The following SCN4A variants were observed in gnomAD, a reference collection of about 807,000 sequenced individuals.
The protein encoded by SCN4A is sodium voltage-gated channel alpha subunit 4, also known as sodium channel protein type 4 subunit alpha.
Under a neutral mutation model 162.0 loss-of-function variants are expected in SCN4A, and 83 were observed. The observed-to-expected ratio is 0.51, with a 90% confidence interval of 0.43 to 0.61. The LOEUF is 0.61. SCN4A is among the 20% of genes least tolerant of loss of function. SCN4A has a pLI of 0.00. For missense variants in SCN4A, 2,196 were observed against 2,462.5 expected (o/e 0.89, Z 2.29); for synonymous variants, 944 against 985.1 (o/e 0.96, Z 0.78).
rs1046961506 is a variant in SCN4A at position 63,971,971 on chromosome 17, C to T, written c.483-121G>A. On this transcript the variant is annotated intron_variant, in intron 3 of 23. Coordinates refer to ENST00000435607, the MANE Select transcript of SCN4A (RefSeq NM_000334.4). ...AATATGCCACTCAGGTGGCTAAGGA[C>T]ACTAGCGAGTGATAGCATGGCCACC... The T allele has an allele frequency of 3.3e-6, 4 of 1,211,014 alleles. No homozygotes were observed. The African/African-American group carries it at 4.5e-5, about 14-fold the overall frequency. 75.0% of individuals were successfully genotyped at this position (1,211,014 alleles called of 1,614,324 possible).
rs1285419994 is a variant in SCN4A at position 63,941,714 on chromosome 17, C to T, written c.4568G>A (p.Gly1523Asp). 1 of 1,614,038 alleles carries T rather than the reference C, an allele frequency of 6.2e-7. No individual in the cohort carries two copies. The highest frequency in any genetic ancestry group is 8.5e-7 in the Non-Finnish European group (1 of 1,180,024). Residue 1523 changes from glycine (G) to aspartate (D), a missense_variant, in exon 24 of 24, where the codon GGC (glycine) becomes GAC (aspartate). By Grantham distance (94) the Gly-to-Asp change is moderately conservative. Coordinates refer to ENST00000435607, the MANE Select transcript of SCN4A (RefSeq NM_000334.4). This position sits in a 1 kb window ranked among gnomAD's most constrained non-coding sequence, Gnocchi z 6.2. Reference protein sequence around the residue: ...IDDMFNFETFGNSIICLFEIT... With the variant: ...IDDMFNFETFDNSIICLFEIT... Reference sequence around the variant, plus strand: ...CTCGAACAGGCAGATGATGCTGTTGCCGAAGGTCTCGAAGTTGAACATATC... The same window carrying T: ...CTCGAACAGGCAGATGATGCTGTTGTCGAAGGTCTCGAAGTTGAACATATC...
Position 63,944,727 on chromosome 17 carries a change from G to A in SCN4A, c.3858C>T (p.Thr1286=), listed in dbSNP as rs538933926. The change falls in exon 21 of 24, where the codon ACC becomes ACT. Residue 1286 remains threonine, a synonymous_variant. Transcript: ENST00000435607. This position sits in a 1 kb window ranked among gnomAD's most constrained non-coding sequence, Gnocchi z 4.3. ...VIFIIFGSFF[T]LNLFIGVIID... ...TGATGACGCCAATGAAGAGGTTGAG[G>A]GTGAAGAAGGAGCCAAAGATGATGA... The A allele has an allele frequency of 2.4e-5, 39 of 1,613,256 alleles. No homozygotes were observed. Among genetic ancestry groups the A allele is most frequent in the South Asian group, 1.7e-4 (15 of 90,866 alleles).
chr17:63,968,035 T>C lies in SCN4A; in HGVS notation c.1024A>G (p.Ile342Val), dbSNP rs774964682. 7 of 1,613,726 alleles carry C rather than the reference T, an allele frequency of 4.3e-6. No homozygotes were observed. In the South Asian group the frequency reaches 7.7e-5, roughly 18 times the overall value. The change falls in exon 6 of 24, where the codon ATC becomes GTC. Residue 342 changes from isoleucine (I) to valine (V), a missense_variant. By Grantham distance (29) the Ile-to-Val change is conservative. Transcript: ENST00000435607. ...TNDTFDWDAY[I>V]SDEGNFYFLE... Reference sequence around the variant, plus strand: ...TCCCCATTCTTACCTTCATCACTGATGTAGGCGTCCCAATCAAAGGTATCG... The same window carrying C: ...TCCCCATTCTTACCTTCATCACTGACGTAGGCGTCCCAATCAAAGGTATCG...
In SCN4A at chr17:63,941,743, G is replaced by A. The variant is rs56342400; in HGVS notation, c.4539C>T (p.Ile1513=). Residue 1513 remains isoleucine, a synonymous_variant, in exon 24 of 24, where the codon ATC becomes ATT. Transcript: ENST00000435607. The surrounding 1 kb of genome is among the most constrained non-coding windows in gnomAD (Gnocchi z 6.2). The stretch of plus-strand genomic sequence containing the variant: ...AGGTCTCGAAGTTGAACATATCATC[G>A]ATGCCCGACTCCTTCTTGACGTAGG... ...NFAYVKKESG[I]DDMFNFETFG... 1 of 1,613,868 alleles carries A rather than the reference G, an allele frequency of 6.2e-7. No individual in the cohort carries two copies. The highest frequency in any genetic ancestry group is 8.5e-7 in the Non-Finnish European group (1 of 1,179,966).
chr17:63,971,093 G>T (rs909432169), intron 5 of SCN4A, 69 bp downstream of exon 5: 8 of 1,019,780 alleles, frequency 7.8e-6, no homozygotes, highest in Admixed American at 2.0e-5. Context: ...CACTGAGTCA[G>T]GTTCCAGGCC....
At position 63,945,261 on chromosome 17, in the gene SCN4A, C is replaced by G. The variant is rs1021198950; in HGVS notation, c.3720+99G>C. The stretch of plus-strand genomic sequence containing the variant: ...AGCATTGGAAGCAGGGTGGGCGGTC[C>G]CCTAACCAGGAGTGACACTGGGGTT... On this transcript the variant is annotated intron_variant, in intron 19 of 23. Coordinates refer to ENST00000435607, the MANE Select transcript of SCN4A (RefSeq NM_000334.4). The surrounding 1 kb of genome is among the most constrained non-coding windows in gnomAD (Gnocchi z 4.4). The G allele has an allele frequency of 6.9e-6, 8 of 1,162,920 alleles. No homozygotes were observed. The highest frequency in any genetic ancestry group is 1.0e-5 in the Non-Finnish European group (8 of 802,492). The allele number at this position is 1,162,920 out of a possible 1,614,324, so 72.0% of individuals were successfully genotyped here.
chr17:63,942,020 T>A, intron 23 of SCN4A, 27 bp from the exon 24 acceptor site: 1 of 1,529,246 alleles, frequency 6.5e-7, no homozygotes, highest in Non-Finnish European at 8.8e-7. Flanking sequence ...GTGAGGACGC[T>A]GCCACTGGGG....
chr17:63,968,281 A>C lies in SCN4A; in HGVS notation c.778T>G (p.Cys260Gly), dbSNP rs768487754. 6.2e-7 allele frequency: 1 copy of C among 1,613,640 alleles called. No homozygotes were observed. The highest frequency in any genetic ancestry group is 1.1e-5 in the South Asian group (1 of 91,078). The change falls in exon 6 of 24, where the codon TGC (cysteine) becomes GGC (glycine). Residue 260 changes from cysteine (C) to glycine (G), a missense_variant. Transcript: ENST00000435607. ...CCTACCAGCGCAAAGACGCTCAGGC[A>C]GAAGACAGTGAGGATCATCACATCC... ...LSDVMILTVFCLSVFALVGLQ... is the reference protein window; with the variant it reads ...LSDVMILTVFGLSVFALVGLQ...
chr17:63,953,221 G>T (rs756023167), intron 13 of SCN4A, among the ~76,000 whole-genome samples: 1 of 152,120 alleles, frequency 6.6e-6, no homozygotes, highest in African/African-American at 2.4e-5. Flanking sequence ...TTAGCTGGGC[G>T]TGGTGGCATG....
At position 63,939,030 on chromosome 17, in the gene SCN4A, A is replaced by T. The variant is rs1463015496; in HGVS notation, c.*1741T>A. 1 of 153,046 alleles carries T rather than the reference A, an allele frequency of 6.5e-6. No individual in the cohort carries two copies. Among genetic ancestry groups the T allele is most frequent in the Admixed American group, 6.5e-5 (1 of 15,278 alleles). The allele number at this position is 153,046 out of a possible 1,614,324, so 9.5% of individuals were successfully genotyped here. ...CAGGACTGGGAGCAGGTGAGAGAGC[A>T]TGGTGGACAATAAAGACAACTCTGG... On this transcript the variant is annotated 3_prime_UTR_variant, in exon 24 of 24. Transcript: ENST00000435607.
At position 63,959,367 on chromosome 17, in the gene SCN4A, C is replaced by A. The variant is rs375403086; in HGVS notation, c.1917G>T (p.Gln639His). 7.3e-5 allele frequency: 117 copies of A among 1,613,782 alleles called. No individual in the cohort carries two copies. Among genetic ancestry groups the A allele is most frequent in the Non-Finnish European group, 9.7e-5 (115 of 1,179,798 alleles). ...LIAMDPYEYF[Q>H]QGWNIFDSII... Reference sequence around the variant, plus strand: ...TGCTGTCGAAGATATTCCAACCCTGCTGGAAATACTCGTAGGGGTCCATGG... The same window carrying A: ...TGCTGTCGAAGATATTCCAACCCTGATGGAAATACTCGTAGGGGTCCATGG... The change falls in exon 12 of 24, where the codon CAG becomes CAT. Residue 639 changes from glutamine to histidine, a missense_variant. By Grantham distance (24) the Gln-to-His change is conservative. Coordinates refer to ENST00000435607, the MANE Select transcript of SCN4A (RefSeq NM_000334.4).
Position 63,951,712 on chromosome 17 carries a change from C to A in SCN4A, c.2565G>T (p.Met855Ile). ...CCCCGTCAGCCTCCCCGAGGCTGAG[C>A]ATGATGTCCTTGGGGCTCAGGATCT... ...HGKILSPKDI[M>I]LSLGEADGAG... Residue 855 changes from methionine (M) to isoleucine (I), a missense_variant, in exon 14 of 24, where the codon ATG becomes ATT. Met to Ile is a conservative substitution (Grantham distance 10, BLOSUM62 1). Transcript: ENST00000435607. This position sits in a 1 kb window ranked among gnomAD's most constrained non-coding sequence, Gnocchi z 4.5. 6.3e-7 allele frequency: 1 copy of A among 1,595,666 alleles called. No homozygotes were observed. Among genetic ancestry groups the A allele is most frequent in the East Asian group, 2.3e-5 (1 of 44,008 alleles).
At position 63,954,492 on chromosome 17, in the gene SCN4A, G is replaced by A. The variant is rs376512975; in HGVS notation, c.2377-2592C>T. On this transcript the variant is annotated intron_variant, in intron 13 of 23. Transcript: ENST00000435607. Reference sequence around the variant, plus strand: ...GACAGAAATAGCTGCCCCAGGCATGGGGGAAGGGAGGAGGGGAGGGGGCCG... The same window carrying A: ...GACAGAAATAGCTGCCCCAGGCATGAGGGAAGGGAGGAGGGGAGGGGGCCG... Among the ~76,000 whole-genome samples, 31 of 152,300 alleles carry A rather than the reference G, an allele frequency of 2.0e-4. No homozygotes were observed. In the South Asian group the frequency reaches 6.2e-3, roughly 31 times the overall value.
At chr17:63,957,108 C>T in intron 13 of SCN4A, 54 bp downstream of exon 13, 1 of 1,223,432 alleles carries the variant, frequency 8.2e-7, no homozygotes, top group Non-Finnish European at 1.2e-6. Context: ...ATATCAGGTA[C>T]ATCTTGTACG....
Position 63,945,038 on chromosome 17 carries a change from T to A in SCN4A, c.3743A>T (p.Asp1248Val), listed in dbSNP as rs1410714417. ...GGAGTCCACGGCTGCATACATGATG[T>A]CCATCCAACCCTTGAAGGTGGCCTG... ...LQVATFKGWM[D>V]IMYAAVDSRE... Residue 1248 changes from aspartate to valine, a missense_variant, in exon 20 of 24, where the codon GAC becomes GTC. Physicochemically the swap from Asp to Val is radical, Grantham distance 152. Transcript: ENST00000435607. This position sits in a 1 kb window ranked among gnomAD's most constrained non-coding sequence, Gnocchi z 4.4. The A allele has an allele frequency of 6.2e-7, 1 of 1,613,862 alleles. No individual in the cohort carries two copies. The highest frequency in any genetic ancestry group is 1.3e-5 in the African/African-American group (1 of 75,028).
At position 63,951,080 on chromosome 17, in the gene SCN4A, G is replaced by A. The variant is rs1376991716; in HGVS notation, c.2853+344C>T. ...GAGAATATGTAAGAGAGGCCTCTCAGGTCCTGGTCCTGGAGCTGCGGTGCC... is the reference window on the plus strand; with the variant it reads ...GAGAATATGTAAGAGAGGCCTCTCAAGTCCTGGTCCTGGAGCTGCGGTGCC... On this transcript the variant is annotated intron_variant, in intron 14 of 23. Transcript: ENST00000435607. The surrounding 1 kb of genome is among the most constrained non-coding windows in gnomAD (Gnocchi z 4.5). Among the ~76,000 whole-genome samples, 1 of 152,206 alleles carries A rather than the reference G, an allele frequency of 6.6e-6. No individual in the cohort carries two copies. The highest frequency in any genetic ancestry group is 1.5e-5 in the Non-Finnish European group (1 of 68,030).
chr17:63,963,647 G>A (rs1909338147), intron 10 of SCN4A, 25 bp downstream of exon 10: 1 of 1,533,172 alleles, frequency 6.5e-7, no homozygotes, highest in South Asian at 1.2e-5. Context: ...CTACCTAAGT[G>A]GGCACGGGGG....
intron 6 of SCN4A, 42 bp from the exon 7 acceptor site, chr17:63,966,586 T>C (rs767555810): frequency 1.9e-5 from 28 of 1,499,602 alleles, no homozygotes; most frequent in Non-Finnish European, 2.3e-5. Flanking sequence ...GTCACCCACA[T>C]GGACACAGTG....
At chr17:63,968,380 T>C in intron 5 of SCN4A, 25 bp from the exon 6 acceptor site, 2 of 1,563,886 alleles carry the variant, frequency 1.3e-6, no homozygotes, top group Non-Finnish European at 1.7e-6. Flanking sequence ...GGCAAGGATA[T>C]TGGCAGGGGG....
Sources: gnomAD v4.1 joint callset for allele counts (sites outside exome capture counted in the v4.1 genomes callset) on GRCh38, gnomAD v4.1.1 for gene constraint, Gnocchi (gnomAD v3.1) non-coding constraint, MANE v1.5 for transcripts, NCBI Gene and HGNC (gene_info 2026-07-23, HGNC 2026-07-21) for gene names.